The following EPC1 variants were observed in gnomAD, a reference collection of about 807,000 sequenced individuals.
EPC1 encodes enhancer of polycomb 1, also known as enhancer of polycomb homolog 1.
EPC1 carries 12 observed loss-of-function variants against 98.4 expected under a neutral mutation model. That is an observed-to-expected ratio of 0.12 (90% confidence interval 0.08 to 0.20). The LOEUF is 0.20. Ranked by LOEUF, EPC1 falls within the 10% of genes least tolerant of loss-of-function variation. EPC1 has a pLI of 1.00. For synonymous variants in EPC1, 357 were observed against 363.9 expected, an observed-to-expected ratio of 0.98 and a Z score of 0.21; for missense variants, 729 against 990.5, an observed-to-expected ratio of 0.74 and a Z score of 3.54.
intron 2 of EPC1, among the ~76,000 whole-genome samples, chr10:32,304,044 T>C (rs1406310074): frequency 6.6e-6 from 1 of 152,190 alleles, no homozygotes; most frequent in African/African-American, 2.4e-5. Flanking sequence ...ATTTGTACAA[T>C]AAAAAATTTT....
chr10:32,310,647 G>A (rs1193297320), intron 1 of EPC1, among the ~76,000 whole-genome samples: 1 of 152,176 alleles, frequency 6.6e-6, no homozygotes, highest in East Asian at 1.9e-4. Flanking sequence ...GCCAGACGTG[G>A]TGGCTTACCT....
At chr10:32,345,056 T>C (rs1486609560) in intron 1 of EPC1, 1 of 797,276 alleles carries the variant, frequency 1.3e-6, no homozygotes, top group Admixed American at 6.2e-5. Flanking sequence ...ACCCCAATAC[T>C]TGAAAGTATT....
chr10:32,348,600 T>C (rs912512707), upstream of EPC1, among the ~76,000 whole-genome samples: 2 of 152,228 alleles, frequency 1.3e-5, no homozygotes, highest in Non-Finnish European at 2.9e-5. Flanking sequence ...TAAACTCCGA[T>C]ATTGGCAGCT....
chr10:32,293,828 T>G (rs1444904203), intron 2 of EPC1, 91 bp from the exon 3 acceptor site: 16 of 1,187,752 alleles, frequency 1.3e-5, no homozygotes, highest in Non-Finnish European at 1.8e-5. Flanking sequence ...ACCTAGACTT[T>G]CTAAAGAAAT....
chr10:32,351,155 C>T (rs1381261170), upstream of EPC1, among the ~76,000 whole-genome samples: 2 of 152,134 alleles, frequency 1.3e-5, no homozygotes, highest in African/African-American at 4.8e-5. Context: ...GTCAGTGTGC[C>T]AAAAACTGTA....
At position 32,268,125 on chromosome 10, in the gene EPC1, G is replaced by A. The variant is rs949941209; in HGVS notation, c.*938C>T. On this transcript the variant is annotated 3_prime_UTR_variant, in exon 14 of 14. Coordinates refer to ENST00000319778, the MANE Select transcript of EPC1 (RefSeq NM_001272004.3). The stretch of plus-strand genomic sequence containing the variant: ...AAGAATGAAGTCTTTTAAACAATTC[G>A]ACAATAAAAAAGTACAATTTTTTTT... 8 of 152,086 alleles carry A rather than the reference G, an allele frequency of 5.3e-5. No homozygotes were observed. The highest frequency in any genetic ancestry group is 3.4e-3 in the Middle Eastern group (1 of 294). The allele number at this position is 152,086 out of a possible 1,614,324, so 9.4% of individuals were successfully genotyped here.
chr10:32,377,673 G>A (rs1839896944), intron 1 of EPC1, among the ~76,000 whole-genome samples: 1 of 151,906 alleles, frequency 6.6e-6, no homozygotes, highest in African/African-American at 2.4e-5. Flanking sequence ...GAAGAGAATA[G>A]ATCAAATCTT....
At chr10:32,289,352 A>C (rs982409436) in intron 6 of EPC1, among the ~76,000 whole-genome samples, 1 of 151,810 alleles carries the variant, frequency 6.6e-6, no homozygotes, top group Non-Finnish European at 1.5e-5. Context: ...AGTGGGAAAA[A>C]AAAAAGTCCA....
rs145592876 is a variant in EPC1, at chr10:32,280,057, T to C, written c.1744+4641A>G. Among the ~76,000 whole-genome samples the C allele has an allele frequency of 1.5e-4, 23 of 152,222 alleles. No individual in the cohort carries two copies. In the East Asian group the frequency reaches 4.4e-3, roughly 29 times the overall value. ...CCAGACTGCTCAGGCTACACAAATA[T>C]GCAAAATAGTCAAGAGTGGGAAGGA... is the stretch of plus-strand genomic sequence containing the variant. On this transcript the variant is annotated intron_variant, in intron 10 of 13. Transcript: ENST00000319778.
intron 2 of EPC1, among the ~76,000 whole-genome samples, chr10:32,297,808 A>ATTC (rs1050185201): frequency 2.0e-5 from 3 of 151,108 alleles, no homozygotes; most frequent in Non-Finnish European, 4.4e-5. Context: ...TATTATTATT[A>ATTC]TTATTTTGAG....
intron 2 of EPC1, among the ~76,000 whole-genome samples, chr10:32,305,104 A>C (rs1835800035): frequency 1.3e-5 from 2 of 152,232 alleles, no homozygotes; most frequent in South Asian, 2.1e-4. Context: ...CACAGTTATC[A>C]AACGATCACT....
intron 1 of EPC1, among the ~76,000 whole-genome samples, chr10:32,367,049 G>A (rs1205266086): frequency 6.6e-6 from 1 of 152,200 alleles, no homozygotes. Flanking sequence ...AGGCTTGAGT[G>A]CAGTGGCACA....
upstream of EPC1, among the ~76,000 whole-genome samples, chr10:32,349,513 C>G (rs960621674): frequency 1.3e-5 from 2 of 152,226 alleles, no homozygotes; most frequent in African/African-American, 4.8e-5. Context: ...TTCCAACTCT[C>G]AGGTCCTTCT....
intron 1 of EPC1, among the ~76,000 whole-genome samples, chr10:32,374,845 T>C: frequency 6.6e-6 from 1 of 152,122 alleles, no homozygotes; most frequent in Admixed American, 6.5e-5. Context: ...TGATACATAA[T>C]AGATGGGGGA....
intron 10 of EPC1, among the ~76,000 whole-genome samples, chr10:32,280,903 A>C (rs1395254276): frequency 6.6e-6 from 1 of 152,206 alleles, no homozygotes; most frequent in Non-Finnish European, 1.5e-5. Flanking sequence ...GAACGTCTGA[A>C]ATCTGAAATG....
intron 1 of EPC1, among the ~76,000 whole-genome samples, chr10:32,335,960 C>T (rs1424238233): frequency 1.3e-5 from 2 of 152,152 alleles, no homozygotes; most frequent in African/African-American, 2.4e-5. Context: ...CCTTCCATCC[C>T]AATTGAGTCC....
intron 1 of EPC1, among the ~76,000 whole-genome samples, chr10:32,342,728 A>T (rs1838446471): frequency 6.6e-6 from 1 of 152,128 alleles, no homozygotes; most frequent in South Asian, 2.1e-4. Context: ...TTAAGTTGCC[A>T]CCCCCTCATA....
At chr10:32,368,082 A>C (rs1171646549) in intron 1 of EPC1, among the ~76,000 whole-genome samples, 1 of 152,198 alleles carries the variant, frequency 6.6e-6, no homozygotes, top group East Asian at 1.9e-4. Context: ...TCCGCCATCA[A>C]AACTTACCTG....
chr10:32,273,286 A>G lies in EPC1; in HGVS notation c.1745-5T>C. 6.2e-7 allele frequency: 1 copy of G among 1,613,510 alleles called. No individual in the cohort carries two copies. Among genetic ancestry groups the G allele is most frequent in the African/African-American group, 1.3e-5 (1 of 75,034 alleles). ...GGTATTGTTCGGCTGTAAATGCTGA[A>G]CATAAAATAAAGAAACACTTTATAA... On this transcript the variant is annotated splice_polypyrimidine_tract_variant and splice_region_variant and intron_variant, in intron 10 of 13. Transcript: ENST00000319778.
Sources: gnomAD v4.1 joint callset for allele counts (sites outside exome capture counted in the v4.1 genomes callset) on GRCh38, gnomAD v4.1.1 for gene constraint, MANE v1.5 for transcripts, NCBI Gene and HGNC (gene_info 2026-07-23, HGNC 2026-07-21) for gene names.